Variants in CCDC192 observed in about 807,000 individuals in gnomAD.
CCDC192 encodes coiled-coil domain-containing protein 192.
chr5:127,760,641 G>A (rs942877800), intron 3 of CCDC192, among the ~76,000 whole-genome samples: 1 of 149,268 alleles, frequency 6.7e-6, no homozygotes, highest in Admixed American at 6.7e-5. Flanking sequence ...GCCGGGCATG[G>A]TGGCAGGCTG....
At chr5:127,808,015 G>C (rs1757888769) in intron 5 of CCDC192, among the ~76,000 whole-genome samples, 1 of 152,088 alleles carries the variant, frequency 6.6e-6, no homozygotes, top group Admixed American at 6.6e-5. Context: ...TGTGTTTACT[G>C]TCAGGTTATT....
chr5:127,913,730 T>C (rs908249448), intron 6 of CCDC192, among the ~76,000 whole-genome samples: 2 of 152,248 alleles, frequency 1.3e-5, no homozygotes, highest in Non-Finnish European at 2.9e-5. Flanking sequence ...GATTGGGATC[T>C]GTTGTCAACT....
chr5:127,766,042 A>T (rs1755206665), intron 3 of CCDC192, among the ~76,000 whole-genome samples: 2 of 152,166 alleles, frequency 1.3e-5, no homozygotes, highest in Admixed American at 1.3e-4. Context: ...ATGTTAACCC[A>T]TCCCACTCAC....
At chr5:127,729,503 C>G (rs1408762568) in intron 2 of CCDC192, among the ~76,000 whole-genome samples, 3 of 152,172 alleles carry the variant, frequency 2.0e-5, no homozygotes, top group Non-Finnish European at 2.9e-5. Flanking sequence ...TTGAACTCAG[C>G]TCTGAATCCA....
At chr5:127,896,129 T>C (rs901467297) in intron 6 of CCDC192, among the ~76,000 whole-genome samples, 8 of 152,044 alleles carry the variant, frequency 5.3e-5, no homozygotes, top group African/African-American at 1.9e-4. Context: ...TTGATTGCAC[T>C]TACCCATCAG....
At chr5:127,768,556 T>C (rs1055555554) in intron 3 of CCDC192, among the ~76,000 whole-genome samples, 1 of 152,150 alleles carries the variant, frequency 6.6e-6, no homozygotes, top group African/African-American at 2.4e-5. Context: ...TGTGAGATAA[T>C]AAATTTTTGT....
intron 3 of CCDC192, among the ~76,000 whole-genome samples, chr5:127,796,718 A>G (rs985012839): frequency 2.6e-5 from 4 of 152,198 alleles, no homozygotes; most frequent in African/African-American, 7.2e-5. Context: ...TAGCCCACCA[A>G]GAGTTAAGTT....
At chr5:127,854,471 ATC>A (rs1750967799) in intron 5 of CCDC192, among the ~76,000 whole-genome samples, 1 of 152,128 alleles carries the variant, frequency 6.6e-6, no homozygotes, top group African/African-American at 2.4e-5. Context: ...TTAATAGTTA[ATC>A]TCTCACTGTG....
chr5:127,706,656 T>C (rs376445820), intron 1 of CCDC192, among the ~76,000 whole-genome samples: 1 of 152,144 alleles, frequency 6.6e-6, no homozygotes. Context: ...ACCCTATCCT[T>C]CTTCAAGATG....
chr5:127,908,989 T>C (rs1753272502), intron 6 of CCDC192, among the ~76,000 whole-genome samples: 1 of 152,212 alleles, frequency 6.6e-6, no homozygotes, highest in Non-Finnish European at 1.5e-5. Context: ...TATTGTTCAA[T>C]TTATAGTGTA....
chr5:127,723,398 C>T (rs1752135948), intron 2 of CCDC192, among the ~76,000 whole-genome samples: 1 of 152,090 alleles, frequency 6.6e-6, no homozygotes, highest in Admixed American at 6.5e-5. Flanking sequence ...ATCATATTAT[C>T]TGCAAACAAG....
chr5:127,903,534 C>T (rs1046929311), intron 6 of CCDC192, among the ~76,000 whole-genome samples: 4 of 152,112 alleles, frequency 2.6e-5, no homozygotes, highest in African/African-American at 7.2e-5. Flanking sequence ...TGGGCCACCG[C>T]GCCCAGTCTT....
intron 6 of CCDC192, among the ~76,000 whole-genome samples, chr5:127,923,667 G>A (rs1298162733): frequency 2.6e-5 from 4 of 152,064 alleles, no homozygotes; most frequent in Admixed American, 2.0e-4. Context: ...GTGAGCCTCC[G>A]CGCCCGGCCT....
At chr5:127,823,954 T>C (rs187243882) in intron 5 of CCDC192, among the ~76,000 whole-genome samples, 5 of 152,326 alleles carry the variant, frequency 3.3e-5, no homozygotes, top group African/African-American at 1.2e-4. Context: ...TCATGTCACC[T>C]AGCACAACAG....
intron 6 of CCDC192, among the ~76,000 whole-genome samples, chr5:127,889,964 T>C (rs1288106934): frequency 1.3e-5 from 2 of 152,166 alleles, no homozygotes; most frequent in East Asian, 1.9e-4. Context: ...TGTCCCCTGA[T>C]GGATGTTTGC....
At chr5:127,810,590 G>C (rs1758027303) in intron 5 of CCDC192, among the ~76,000 whole-genome samples, 1 of 152,070 alleles carries the variant, frequency 6.6e-6, no homozygotes, top group African/African-American at 2.4e-5. Context: ...CTTTCTGATG[G>C]TCAAAATAAT....
chr5:127,810,715 C>T (rs1158617176), intron 5 of CCDC192, among the ~76,000 whole-genome samples: 2 of 152,198 alleles, frequency 1.3e-5, no homozygotes, highest in Admixed American at 6.5e-5. Flanking sequence ...TAAATGTCCT[C>T]ACTAATAACC....
rs1240745061 is a variant in CCDC192, at chr5:127,754,312, A to G, written c.159A>G (p.Gln53=). Residue 53 remains glutamine, a synonymous_variant, in exon 3 of 7, where the codon CAA becomes CAG. Transcript: ENST00000514853. ...DTGQMAFTLA[Q]LESLEICLKE... is the part of the protein sequence containing the mutation. ...GACAGATGGCGTTTACCTTGGCCCA[A>G]CTTGAGTCCTTGGAGATTTGCCTGA... 2.5e-6 allele frequency: 1 copy of G among 398,742 alleles called. No individual in the cohort carries two copies. Among genetic ancestry groups the G allele is most frequent in the African/African-American group, 2.1e-5 (1 of 48,578 alleles). 24.7% of individuals were successfully genotyped at this position (398,742 alleles called of 1,614,324 possible).
At chr5:127,901,415 G>T (rs947467573) in intron 6 of CCDC192, among the ~76,000 whole-genome samples, 13 of 152,086 alleles carry the variant, frequency 8.5e-5, no homozygotes, top group South Asian at 8.3e-4. Flanking sequence ...TATATATAAG[G>T]GGGAGGAGCA....
Sources: gnomAD v4.1 joint callset for allele counts (sites outside exome capture counted in the v4.1 genomes callset) on GRCh38, gnomAD v4.1.1 for gene constraint, MANE v1.5 for transcripts, NCBI Gene and HGNC (gene_info 2026-07-23, HGNC 2026-07-21) for gene names.